PLPPR3: variants seen among roughly 807,000 people sequenced by gnomAD.
PLPPR3 encodes phospholipid phosphatase-related protein type 3.
In PLPPR3, 14 loss-of-function variants were observed where a neutral mutation model predicts 27.3. That is an observed-to-expected ratio of 0.51 (90% confidence interval 0.34 to 0.80). The LOEUF (loss-of-function observed/expected upper bound fraction) is 0.80. Ranked by LOEUF, PLPPR3 falls within the 30% of genes least tolerant of loss-of-function variation. PLPPR3 has a pLI of 0.01. For missense variants in PLPPR3, 1,287 were observed against 1,056.9 expected (o/e 1.22, Z -3.02); for synonymous variants, 671 against 508.0 (o/e 1.32, Z -4.32).
chr19:813,392 C>T lies in PLPPR3; in HGVS notation c.1335G>A (p.Glu445=). 2 of 1,501,886 alleles carry T rather than the reference C, an allele frequency of 1.3e-6. No individual in the cohort carries two copies. The highest frequency in any genetic ancestry group is 1.8e-6 in the Non-Finnish European group (2 of 1,133,350). The allele number at this position is 1,501,886 out of a possible 1,614,324, so 93.0% of individuals were successfully genotyped here. A position where few individuals can be genotyped will look rare whatever the true frequency, so the allele number is the denominator to read the frequency against. ...PAEPMAEEEE[E]EEDEEEEEEE... is the part of the protein sequence containing the mutation. Reference sequence around the variant, plus strand: ...CCTCCTCTTCCTCTTCGTCCTCCTCCTCTTCCTCCTCCTCCGCCATGGGTT... The same window carrying T: ...CCTCCTCTTCCTCTTCGTCCTCCTCTTCTTCCTCCTCCTCCGCCATGGGTT... Residue 445 remains glutamate (E), a synonymous_variant, in exon 8 of 8, where the codon GAG becomes GAA. Coordinates refer to ENST00000520876, the MANE Select transcript of PLPPR3 (RefSeq NM_001270366.2). The surrounding 1 kb of genome is among the most constrained non-coding windows in gnomAD (Gnocchi z 4.1).
At chr19:822,850 G>T (rs1455547951), upstream of PLPPR3, among the ~76,000 whole-genome samples, 3 of 152,236 alleles carry the variant, frequency 2.0e-5, no homozygotes, top group Non-Finnish European at 4.4e-5. Context: ...GCCGTGCGCG[G>T]TGGCTCAGGC....
chr19:815,755 T>C lies in PLPPR3; in HGVS notation c.172A>G (p.Thr58Ala). The C allele has an allele frequency of 6.2e-7, 1 of 1,612,474 alleles. No individual in the cohort carries two copies. Among genetic ancestry groups the C allele is most frequent in the Non-Finnish European group, 8.5e-7 (1 of 1,179,740 alleles). ...GTCTCCACGTAGGGCATGGAGAGAG[T>C]GCGGTCATAGCACTGGAAGCCCACC... ...AKVGFQCYDR[T>A]LSMPYVETNE... is the part of the protein sequence containing the mutation. Residue 58 changes from threonine to alanine, a missense_variant, in exon 3 of 8, where the codon ACT becomes GCT. Coordinates refer to ENST00000520876, the MANE Select transcript of PLPPR3 (RefSeq NM_001270366.2).
upstream of PLPPR3, among the ~76,000 whole-genome samples, chr19:822,515 C>G (rs949886646): frequency 1.3e-5 from 2 of 152,128 alleles, no homozygotes; most frequent in Non-Finnish European, 2.9e-5. Flanking sequence ...GTGCCTCCCT[C>G]CCTTCCCCCC....
chr19:822,987 C>T (rs920008452), upstream of PLPPR3, among the ~76,000 whole-genome samples: 2 of 151,834 alleles, frequency 1.3e-5, no homozygotes, highest in Admixed American at 6.6e-5. Flanking sequence ...GGTGTGGTGG[C>T]TCATGCCTGT....
intron 2 of PLPPR3, among the ~76,000 whole-genome samples, chr19:818,202 G>C (rs1599262056): frequency 1.3e-5 from 2 of 152,162 alleles, no homozygotes. Flanking sequence ...GGCCAACATG[G>C]TGAAACCCCA....
chr19:812,953 CG>C lies in PLPPR3; in HGVS notation c.1773del (p.Val592TrpfsTer150). 1 of 1,430,392 alleles carries C rather than the reference CG, an allele frequency of 7.0e-7. No homozygotes were observed. The highest frequency in any genetic ancestry group is 1.9e-4 in the Middle Eastern group (1 of 5,178). 88.6% of individuals were successfully genotyped at this position (1,430,392 alleles called of 1,614,324 possible). The part of the protein sequence containing the change: ...VTIDAHAPHH[P>X]VVHLSAGGAP... ...GCGCCGCCGGCCGACAGGTGCACCA[CG>C]GGGTGGTGCGGCGCGTGCGCGTCGA... On this transcript the variant is annotated frameshift_variant, in exon 8 of 8. Coordinates refer to ENST00000520876, the MANE Select transcript of PLPPR3 (RefSeq NM_001270366.2). LOFTEE classifies it low-confidence loss of function (END_TRUNC).
intron 3 of PLPPR3, 87 bp from the exon 4 acceptor site, chr19:815,414 G>A (rs1048996923): frequency 4.1e-5 from 58 of 1,397,648 alleles, no homozygotes; most frequent in Non-Finnish European, 4.8e-5. Context: ...CCCACAGGCT[G>A]GCACAGGCCC....
intron 2 of PLPPR3, among the ~76,000 whole-genome samples, chr19:820,785 A>G (rs2035132036): frequency 6.6e-6 from 1 of 151,742 alleles, no homozygotes; most frequent in Non-Finnish European, 1.5e-5. Context: ...GGCCTCCCAA[A>G]GTGCTGGGAT....
Position 815,674 on chromosome 19 carries a change from C to T in PLPPR3, c.253G>A (p.Ala85Thr), listed in dbSNP as rs1224113223. 6.3e-7 allele frequency: 1 copy of T among 1,585,988 alleles called. No individual in the cohort carries two copies. Among genetic ancestry groups the T allele is most frequent in the Admixed American group, 1.8e-5 (1 of 55,510 alleles). The change falls in exon 3 of 8, where the codon GCC becomes ACC. Residue 85 changes from alanine (A) to threonine (T), a missense_variant. Ala to Thr is a moderately conservative substitution (Grantham distance 58). Transcript: ENST00000520876. Reference protein sequence around the residue: ...MLLSLAFAAPAASIMVAEGML... With the variant: ...MLLSLAFAAPTASIMVAEGML... ...CCGGTGCAGGTGCTCACCGAGGCGG[C>T]AGGGGCCGCGAAGGCCAAGCTGAGC...
At chr19:816,842 C>A (rs1007469584) in intron 2 of PLPPR3, among the ~76,000 whole-genome samples, 1 of 151,206 alleles carries the variant, frequency 6.6e-6, no homozygotes, top group Admixed American at 6.6e-5. Context: ...GCCATTCATT[C>A]ATCTATCCAT....
chr19:813,939 G>T lies in PLPPR3; in HGVS notation c.832-44C>A. On this transcript the variant is annotated intron_variant, in intron 7 of 7. Transcript: ENST00000520876. This position sits in a 1 kb window ranked among gnomAD's most constrained non-coding sequence, Gnocchi z 4.1. ...TGGGGGTGAGGCCTGGGGCTCAGAG[G>T]GCTCCTCCCCTGTGATCGTTGGACT... The T allele has an allele frequency of 1.4e-6, 2 of 1,413,596 alleles. No homozygotes were observed. The highest frequency in any genetic ancestry group is 9.2e-7 in the Non-Finnish European group (1 of 1,091,648). 87.6% of individuals were successfully genotyped at this position (1,413,596 alleles called of 1,614,324 possible).
intron 2 of PLPPR3, among the ~76,000 whole-genome samples, chr19:818,228 C>CA (rs2035091792): frequency 6.6e-6 from 1 of 151,940 alleles, no homozygotes; most frequent in East Asian, 1.9e-4. Context: ...ACTAAAAATA[C>CA]AAAAATTAAC....
chr19:816,452 ATCCATCCAACCG>A (rs1383829015), intron 2 of PLPPR3, among the ~76,000 whole-genome samples: 7 of 122,870 alleles, frequency 5.7e-5, no homozygotes, highest in African/African-American at 2.1e-4. Context: ...CCACCTACCC[ATCCATCCAACCG>A]TCCATCCATC....
intron 1 of PLPPR3, 121 bp downstream of exon 1, chr19:821,794 A>T: frequency 2.6e-5 from 6 of 226,612 alleles, no homozygotes; most frequent in Non-Finnish European, 3.2e-5. Context: ...ATCGCCGAGG[A>T]GGGCGGGGGG....
upstream of PLPPR3, among the ~76,000 whole-genome samples, chr19:822,524 C>G (rs1214031680): frequency 6.6e-6 from 1 of 152,168 alleles, no homozygotes; most frequent in Non-Finnish European, 1.5e-5. Flanking sequence ...TCCCTTCCCC[C>G]CGCACTCACC....
In PLPPR3 at chr19:812,973, G is replaced by T; in HGVS notation, c.1754C>A (p.Ala585Glu). ...CACCACGGGGTGGTGCGGCGCGTGC[G>T]CGTCGATGGTCACGATGCTGGCGGA... ...RDSASIVTID[A>E]HAPHHPVVHL... is the part of the protein sequence containing the mutation. The change falls in exon 8 of 8, where the codon GCG becomes GAG. Residue 585 changes from alanine to glutamate, a missense_variant. Physicochemically the swap from Ala to Glu is moderately radical, Grantham distance 107. Transcript: ENST00000520876. The T allele has an allele frequency of 6.7e-7, 1 of 1,488,186 alleles. No individual in the cohort carries two copies. The highest frequency in any genetic ancestry group is 8.9e-7 in the Non-Finnish European group (1 of 1,125,480). 92.2% of individuals were successfully genotyped at this position (1,488,186 alleles called of 1,614,324 possible).
chr19:816,919 C>CCAT (rs1568286045), intron 2 of PLPPR3, among the ~76,000 whole-genome samples: 52 of 147,024 alleles, frequency 3.5e-4, no homozygotes, highest in African/African-American at 1.1e-3. Context: ...CATCCATCCA[C>CCAT]CCATCCACCC....
upstream of PLPPR3, chr19:821,984 G>C (rs991490846): frequency 1.9e-5 from 3 of 154,992 alleles, no homozygotes; most frequent in Non-Finnish European, 4.3e-5. Context: ...GGGAAGGGGA[G>C]GGGGACGGGG....
chr19:814,309 C>T (rs1018018151), intron 7 of PLPPR3, 125 bp downstream of exon 7: 2 of 951,882 alleles, frequency 2.1e-6, no homozygotes, highest in Non-Finnish European at 3.1e-6. Context: ...GTCAGACCCC[C>T]TGAGCCTGCC....
Sources: allele counts gnomAD v4.1 joint callset (sites outside exome capture counted in the v4.1 genomes callset), GRCh38; gene constraint gnomAD v4.1.1; non-coding constraint Gnocchi (gnomAD v3.1); transcripts MANE v1.5; gene names NCBI Gene and HGNC (gene_info 2026-07-23, HGNC 2026-07-21).